The following SYTL3 variants were observed in gnomAD, a reference collection of about 807,000 sequenced individuals.
SYTL3 encodes synaptotagmin-like protein 3.
A neutral mutation model predicts 82.1 loss-of-function variants in SYTL3; 88 were observed. The ratio of observed to expected loss-of-function variants is 1.07; its 90% CI spans 0.90 to 1.28. SYTL3 has a LOEUF of 1.28. SYTL3 is among the 50% of genes most tolerant of loss of function. The pLI is 0.00. For synonymous variants in SYTL3, 311 were observed against 289.4 expected (o/e 1.07, Z -0.76); for missense variants, 831 against 757.6 (o/e 1.10, Z -1.14).
upstream of SYTL3, among the ~76,000 whole-genome samples, chr6:158,649,282 T>A (rs1228315570): frequency 1.3e-5 from 2 of 152,254 alleles, no homozygotes; most frequent in Admixed American, 1.3e-4. Flanking sequence ...AAACATTTAT[T>A]TGCCACTCAC....
chr6:158,745,728 T>A, intron 12 of SYTL3, 70 bp downstream of exon 12: 2 of 1,167,436 alleles, frequency 1.7e-6, no homozygotes, highest in Non-Finnish European at 2.3e-6. Context: ...AGTAAAAGTC[T>A]AAGAATAACC....
intron 6 of SYTL3, among the ~76,000 whole-genome samples, chr6:158,687,985 ATG>A (rs1423151979): frequency 6.6e-6 from 1 of 152,212 alleles, no homozygotes; most frequent in East Asian, 1.9e-4. Context: ...GCCTGTGTAT[ATG>A]TGTGTGCACA....
chr6:158,764,490 T>C lies in SYTL3; in HGVS notation c.1724-5T>C, dbSNP rs200595879. ...CCATGGCTAAATTGTCTTCCTCTCT[T>C]ACAGAGGGAGACACAGCTGTTGGCG... On this transcript the variant is annotated splice_polypyrimidine_tract_variant and splice_region_variant and intron_variant, in intron 17 of 17. Transcript: ENST00000611299. 2 of 1,607,676 alleles carry C rather than the reference T, an allele frequency of 1.2e-6. No individual in the cohort carries two copies. The highest frequency in any genetic ancestry group is 2.2e-5 in the East Asian group (1 of 44,864).
intron 15 of SYTL3, among the ~76,000 whole-genome samples, chr6:158,761,700 C>T (rs1437463165): frequency 6.6e-6 from 1 of 152,224 alleles, no homozygotes; most frequent in East Asian, 1.9e-4. Context: ...CACCAGCAGA[C>T]CAGCAGCAAG....
At chr6:158,690,914 G>A (rs6913508) in intron 6 of SYTL3, among the ~76,000 whole-genome samples, 23,283 of 152,082 alleles carry the variant, frequency 0.15, 2,691 homozygotes, top group African/African-American at 0.33. Flanking sequence ...CCATCCACGG[G>A]CATTTGGCAA....
Position 158,695,807 on chromosome 6 carries a change from T to C in SYTL3, c.395-11423T>C, listed in dbSNP as rs185763881. Among the ~76,000 whole-genome samples, 4 of 152,358 alleles carry C rather than the reference T, an allele frequency of 2.6e-5. No homozygotes were observed. The East Asian group carries it at 7.7e-4, about 29-fold the overall frequency. Reference sequence around the variant, plus strand: ...TTCTTTTGTATCTGGCTTATTTCACTTAGCAAAATTTCCTCAGGGTTCATT... The same window carrying C: ...TTCTTTTGTATCTGGCTTATTTCACCTAGCAAAATTTCCTCAGGGTTCATT... On this transcript the variant is annotated intron_variant, in intron 6 of 17. Transcript: ENST00000611299.
intron 5 of SYTL3, among the ~76,000 whole-genome samples, chr6:158,666,411 TG>T (rs1268662416): frequency 6.6e-6 from 1 of 152,202 alleles, no homozygotes; most frequent in Non-Finnish European, 1.5e-5. Flanking sequence ...TTGGTGTTTT[TG>T]CGTTCCCCAT....
chr6:158,752,636 G>A (rs938302366), intron 13 of SYTL3, among the ~76,000 whole-genome samples: 1 of 152,236 alleles, frequency 6.6e-6, no homozygotes, highest in African/African-American at 2.4e-5. Flanking sequence ...CTGAGGTCTG[G>A]TATCTGCAGA....
chr6:158,685,556 C>T (rs1236866537), intron 6 of SYTL3, among the ~76,000 whole-genome samples: 2 of 152,018 alleles, frequency 1.3e-5, no homozygotes, highest in African/African-American at 4.8e-5. Context: ...CGGTGGCTCA[C>T]ACTTGTAATC....
intron 11 of SYTL3, chr6:158,726,161 A>C: frequency 2.3e-6 from 1 of 429,170 alleles, no homozygotes; most frequent in Non-Finnish European, 4.6e-6. Flanking sequence ...CTTTGCCTTC[A>C]TAGCACAAGC....
At chr6:158,669,750 A>G (rs1305485165) in intron 5 of SYTL3, among the ~76,000 whole-genome samples, 2 of 152,218 alleles carry the variant, frequency 1.3e-5, no homozygotes, top group Non-Finnish European at 2.9e-5. Flanking sequence ...GCTGCAGAGC[A>G]GTAGTGGTTA....
intron 13 of SYTL3, among the ~76,000 whole-genome samples, chr6:158,753,873 A>G (rs923060394): frequency 6.6e-6 from 1 of 151,858 alleles, no homozygotes; most frequent in Admixed American, 6.6e-5. Context: ...TAGTCCTGGG[A>G]AACTTTCCAG....
At chr6:158,724,149 T>G (rs1784440909) in intron 10 of SYTL3, among the ~76,000 whole-genome samples, 1 of 152,224 alleles carries the variant, frequency 6.6e-6, no homozygotes, top group Non-Finnish European at 1.5e-5. Flanking sequence ...TCTGTCTTCC[T>G]ACTAGCTAGT....
chr6:158,670,316 G>T (rs1242320828), intron 5 of SYTL3, among the ~76,000 whole-genome samples: 2 of 152,114 alleles, frequency 1.3e-5, no homozygotes, highest in Non-Finnish European at 2.9e-5. Flanking sequence ...GTGAGTAAAA[G>T]GTCTAACTCT....
intron 9 of SYTL3, among the ~76,000 whole-genome samples, chr6:158,717,630 C>T (rs1170087998): frequency 6.6e-6 from 1 of 152,090 alleles, no homozygotes; most frequent in African/African-American, 2.4e-5. Flanking sequence ...GTTATGAGGA[C>T]ACCCCAAATC....
At position 158,707,260 on chromosome 6, in the gene SYTL3, T is replaced by TG. The variant is rs747225962; in HGVS notation, c.426dup (p.Gln143AlafsTer38). 3.1e-6 allele frequency: 5 copies of TG among 1,613,980 alleles called. No individual in the cohort carries two copies. In the South Asian group the frequency reaches 5.5e-5, roughly 18 times the overall value. On this transcript the variant is annotated frameshift_variant, in exon 7 of 18. Transcript: ENST00000611299. LOFTEE classifies it high-confidence loss of function. ...CATGAGACAGTTGGAGGGCAGCTCT[T>TG]GCAATCTTATCAGAAGCTGAGGTGA...
intron 2 of SYTL3, among the ~76,000 whole-genome samples, chr6:158,659,865 G>A (rs1789148784): frequency 6.6e-6 from 1 of 152,164 alleles, no homozygotes; most frequent in Non-Finnish European, 1.5e-5. Flanking sequence ...GGCTGCTGAT[G>A]TCTCTCTGAC....
At chr6:158,724,208 C>T (rs1284029295) in intron 10 of SYTL3, among the ~76,000 whole-genome samples, 1 of 152,196 alleles carries the variant, frequency 6.6e-6, no homozygotes, top group Non-Finnish European at 1.5e-5. Context: ...CTTCTCTCTT[C>T]CTCCCCTTCT....
chr6:158,688,088 T>C (rs1037585819), intron 6 of SYTL3, among the ~76,000 whole-genome samples: 1 of 152,228 alleles, frequency 6.6e-6, no homozygotes. Flanking sequence ...AACATTTTCC[T>C]ATGTTATTAA....
Sources: gnomAD v4.1 joint callset for allele counts (sites outside exome capture counted in the v4.1 genomes callset) on GRCh38, gnomAD v4.1.1 for gene constraint, MANE v1.5 for transcripts, NCBI Gene and HGNC (gene_info 2026-07-23, HGNC 2026-07-21) for gene names.